Variants in MIPOL1 observed in about 807,000 individuals in gnomAD.
The protein encoded by MIPOL1 is mirror-image polydactyly 1.
MIPOL1 carries 57 observed loss-of-function variants against 60.9 expected under a neutral mutation model. The observed-to-expected ratio is 0.94, with a 90% confidence interval of 0.76 to 1.17. The LOEUF is 1.17. MIPOL1 is among the 50% of genes most tolerant of loss of function. The probability of loss-of-function intolerance (pLI) is 0.00; values close to 1 mark genes in which losing one functional copy is unlikely to be tolerated. For synonymous variants in MIPOL1, 179 were observed against 168.8 expected (o/e 1.06, Z -0.47); for missense variants, 551 against 511.6 (o/e 1.08, Z -0.74).
At chr14:37,464,160 A>G (rs917729174) in intron 11 of MIPOL1, among the ~76,000 whole-genome samples, 1 of 152,212 alleles carries the variant, frequency 6.6e-6, no homozygotes, top group Non-Finnish European at 1.5e-5. Context: ...TTTCGTGGGA[A>G]TGTAAATTAG....
chr14:37,545,996 A>G (rs1470932584), intron 12 of MIPOL1: 1 of 210,288 alleles, frequency 4.8e-6, no homozygotes, highest in Non-Finnish European at 9.4e-6. Context: ...TATAACATCA[A>G]GCAAGATTTT....
At chr14:37,381,749 ATT>A (rs71127215) in intron 10 of MIPOL1, among the ~76,000 whole-genome samples, 2 of 145,970 alleles carry the variant, frequency 1.4e-5, no homozygotes, top group Non-Finnish European at 1.5e-5. Flanking sequence ...TGCCCTGCTA[ATT>A]TTTTTTTTTT....
intron 12 of MIPOL1, 121 bp from the exon 13 acceptor site, chr14:37,546,784 C>G: frequency 2.6e-6 from 2 of 757,692 alleles, no homozygotes; most frequent in Middle Eastern, 3.8e-4. Context: ...TGCTTTGTTT[C>G]TTAACATGAC....
chr14:37,486,852 C>T (rs1015917106), intron 11 of MIPOL1, among the ~76,000 whole-genome samples: 3 of 152,140 alleles, frequency 2.0e-5, no homozygotes, highest in Non-Finnish European at 2.9e-5. Context: ...CTAGAACTTC[C>T]AATAACACCA....
intron 11 of MIPOL1, among the ~76,000 whole-genome samples, chr14:37,449,874 A>G (rs2153573696): frequency 6.6e-6 from 1 of 152,078 alleles, no homozygotes; most frequent in Non-Finnish European, 1.5e-5. Context: ...GTGCAGTGGT[A>G]CTGTCTCAGC....
chr14:37,272,094 CAA>C (rs1180835289), intron 6 of MIPOL1, among the ~76,000 whole-genome samples: 1 of 150,702 alleles, frequency 6.6e-6, no homozygotes, highest in African/African-American at 2.4e-5. Flanking sequence ...TCATTAATAA[CAA>C]AATATTATAT....
At chr14:37,314,402 G>A (rs554890264) in intron 9 of MIPOL1, among the ~76,000 whole-genome samples, 138 of 152,288 alleles carry the variant, frequency 9.1e-4, no homozygotes, top group Middle Eastern at 3.4e-3. Flanking sequence ...TAAGTGAGAG[G>A]AAGACATGAA....
chr14:37,518,829 T>C (rs2095390780), intron 12 of MIPOL1, among the ~76,000 whole-genome samples: 1 of 152,040 alleles, frequency 6.6e-6, no homozygotes, highest in Non-Finnish European at 1.5e-5. Flanking sequence ...AAGCAAATGC[T>C]CACAGATTTA....
intron 10 of MIPOL1, among the ~76,000 whole-genome samples, chr14:37,372,224 A>G (rs2092659374): frequency 6.6e-6 from 1 of 152,146 alleles, no homozygotes; most frequent in African/African-American, 2.4e-5. Context: ...TTGGGGGAAT[A>G]CAATCACAAT....
intron 6 of MIPOL1, among the ~76,000 whole-genome samples, chr14:37,284,664 T>G (rs2153409631): frequency 6.6e-6 from 1 of 152,338 alleles, no homozygotes; most frequent in East Asian, 1.9e-4. Context: ...TTGTTTTTAC[T>G]AATTGTGTCT....
intron 1 of MIPOL1, among the ~76,000 whole-genome samples, chr14:37,243,479 A>G (rs1972670379): frequency 6.6e-6 from 1 of 152,258 alleles, no homozygotes. Flanking sequence ...ATTTTAATGC[A>G]GAAATTATCA....
intron 11 of MIPOL1, among the ~76,000 whole-genome samples, chr14:37,468,269 C>T (rs552498720): frequency 2.5e-4 from 38 of 152,066 alleles, no homozygotes; most frequent in African/African-American, 8.7e-4. Flanking sequence ...TAAATGTTTA[C>T]TTAACTGCCA....
intron 11 of MIPOL1, among the ~76,000 whole-genome samples, chr14:37,489,710 T>C (rs1438903310): frequency 6.6e-6 from 1 of 152,240 alleles, no homozygotes; most frequent in East Asian, 1.9e-4. Context: ...CAGGCCCCTC[T>C]GCTGCAGGTC....
intron 10 of MIPOL1, among the ~76,000 whole-genome samples, chr14:37,412,409 A>G (rs1235536448): frequency 6.6e-6 from 1 of 152,104 alleles, no homozygotes; most frequent in African/African-American, 2.4e-5. Context: ...AAAACAACCC[A>G]AAGGTTTATC....
chr14:37,278,096 G>A (rs892281314), intron 6 of MIPOL1: 3 of 151,394 alleles, frequency 2.0e-5, no homozygotes, highest in Non-Finnish European at 4.4e-5. Flanking sequence ...ATAAAATGTT[G>A]CAAAGTCCAG....
At position 37,266,996 on chromosome 14, in the gene MIPOL1, A is replaced by G. The variant is rs2082924021; in HGVS notation, c.78A>G (p.Pro26=). The G allele has an allele frequency of 6.2e-7, 1 of 1,613,896 alleles. No individual in the cohort carries two copies. Among genetic ancestry groups the G allele is most frequent in the Non-Finnish European group, 8.5e-7 (1 of 1,179,866 alleles). ...ETTGINKSTQ[P]DEQLTMNSEK... is the part of the protein sequence containing the mutation. ...CGGGGATAAATAAAAGTACGCAGCC[A>G]GATGAGCAACTGACTATGAATTCTG... Residue 26 remains proline, a synonymous_variant, in exon 4 of 13, where the codon CCA becomes CCG. Coordinates refer to ENST00000684589, the MANE Select transcript of MIPOL1 (RefSeq NM_001388067.1).
chr14:37,247,486 A>C (rs888532552), intron 2 of MIPOL1, among the ~76,000 whole-genome samples: 1 of 152,022 alleles, frequency 6.6e-6, no homozygotes, highest in Non-Finnish European at 1.5e-5. Context: ...TTTGGTATAA[A>C]ATTTATGACA....
intron 10 of MIPOL1, among the ~76,000 whole-genome samples, chr14:37,403,564 G>T (rs1318975279): frequency 6.6e-6 from 1 of 150,650 alleles, no homozygotes; most frequent in Non-Finnish European, 1.5e-5. Context: ...GCATGAGCCA[G>T]TGTGCTTGGC....
At chr14:37,470,396 G>A (rs1178975258) in intron 11 of MIPOL1, among the ~76,000 whole-genome samples, 3 of 152,102 alleles carry the variant, frequency 2.0e-5, no homozygotes, top group African/African-American at 7.2e-5. Flanking sequence ...CTGGCGGGAG[G>A]TGATTGGATC....
Sources: gnomAD v4.1 joint callset for allele counts (sites outside exome capture counted in the v4.1 genomes callset) on GRCh38, gnomAD v4.1.1 for gene constraint, MANE v1.5 for transcripts, NCBI Gene and HGNC (gene_info 2026-07-23, HGNC 2026-07-21) for gene names.